Variants in FAM234A observed in about 807,000 individuals in gnomAD.
FAM234A encodes the protein protein FAM234A.
Under a neutral mutation model 49.1 loss-of-function variants are expected in FAM234A, and 42 were observed. The ratio of observed to expected loss-of-function variants is 0.86; its 90% CI spans 0.67 to 1.11. The LOEUF (loss-of-function observed/expected upper bound fraction) is 1.11. Among genes scored for constraint, FAM234A ranks in the 50% least tolerant of loss-of-function variants. The pLI is 0.00. For missense variants in FAM234A, 815 were observed against 745.2 expected (o/e 1.09, Z -1.09); for synonymous variants, 369 against 316.2 (o/e 1.17, Z -1.77).
chr16:239,861 C>A (rs929408116), intron 1 of FAM234A, among the ~76,000 whole-genome samples: 3 of 152,142 alleles, frequency 2.0e-5, no homozygotes, highest in African/African-American at 7.2e-5. Context: ...CTTTTGAGTG[C>A]TGACTGCATG....
At position 263,790 on chromosome 16, in the gene FAM234A, C is replaced by T. The variant is rs2051581215; in HGVS notation, c.1188+15C>T. Reference sequence around the variant, plus strand: ...CCGACAGACAGGTTCGTTGTTCTTCCTTCGGAGGTGGCACCTTTGTTCTTA... The same window carrying T: ...CCGACAGACAGGTTCGTTGTTCTTCTTTCGGAGGTGGCACCTTTGTTCTTA... On this transcript the variant is annotated intron_variant, in intron 10 of 12. Transcript: ENST00000399932. 10 of 1,602,232 alleles carry T rather than the reference C, an allele frequency of 6.2e-6. No individual in the cohort carries two copies. The highest frequency in any genetic ancestry group is 8.6e-6 in the Non-Finnish European group (10 of 1,169,232).
chr16:264,003 C>A lies in FAM234A; in HGVS notation c.1189-13C>A. On this transcript the variant is annotated splice_polypyrimidine_tract_variant and intron_variant, in intron 10 of 12. Transcript: ENST00000399932. ...CCCCACGTTGGCCCCCACAGTGTCC[C>A]CTCCCTCCCCAGATCCTGTTTCTGG... The A allele has an allele frequency of 6.2e-7, 1 of 1,605,840 alleles. No individual in the cohort carries two copies. Among genetic ancestry groups the A allele is most frequent in the South Asian group, 1.1e-5 (1 of 90,578 alleles).
intron 2 of FAM234A, among the ~76,000 whole-genome samples, chr16:251,164 G>A (rs1303872138): frequency 6.6e-6 from 1 of 152,086 alleles, no homozygotes; most frequent in Non-Finnish European, 1.5e-5. Flanking sequence ...CACCATATTG[G>A]CCAGGCTGGT....
chr16:262,769 G>A (rs2051523361), intron 8 of FAM234A, among the ~76,000 whole-genome samples: 1 of 151,358 alleles, frequency 6.6e-6, no homozygotes, highest in African/African-American at 2.4e-5. Context: ...GTGCCTGTCT[G>A]TCTCCACGGA....
At position 246,545 on chromosome 16, in the gene FAM234A, G is replaced by A. The variant is rs1250812646; in HGVS notation, c.-139-3004G>A. On this transcript the variant is annotated intron_variant, in intron 1 of 12. Transcript: ENST00000399932. ...CGCCATTCTCCTGCCTCAGCCTCCC[G>A]AGTAGCTGGGACTAAAGGTGCCCGC... 2.8e-5 allele frequency among the ~76,000 whole-genome samples: 4 copies of A among 144,314 alleles called. No homozygotes were observed. In the East Asian group the frequency reaches 6.5e-4, roughly 24 times the overall value. The allele number at this position is 144,314 out of a possible 152,430, so 94.7% of individuals were successfully genotyped here. A position where few individuals can be genotyped will look rare whatever the true frequency, so the allele number is the denominator to read the frequency against.
Position 259,963 on chromosome 16 carries a change from C to T in FAM234A, c.386-6C>T, listed in dbSNP as rs1321165261. On this transcript the variant is annotated splice_polypyrimidine_tract_variant and splice_region_variant and intron_variant, in intron 4 of 12. Transcript: ENST00000399932. ...AACAGTGAGGTGCCGGTGTCTCTCC[C>T]TACAGGCTTTTCCTCTCCCTGCACC... 1.2e-6 allele frequency: 2 copies of T among 1,611,942 alleles called. No individual in the cohort carries two copies. The highest frequency in any genetic ancestry group is 1.7e-6 in the Non-Finnish European group (2 of 1,179,386).
chr16:269,314 C>T (rs1376098484), downstream of FAM234A: 5 of 1,596,580 alleles, frequency 3.1e-6, no homozygotes, highest in South Asian at 5.7e-5. Context: ...CCGCTGTGGG[C>T]TCCACAGGGG....
chr16:252,578 A>G (rs903299130), intron 2 of FAM234A, among the ~76,000 whole-genome samples: 7 of 152,118 alleles, frequency 4.6e-5, no homozygotes, highest in Admixed American at 2.6e-4. Context: ...GATCTGCCAG[A>G]CTGTGTTTCA....
chr16:262,527 C>T lies in FAM234A; in HGVS notation c.945C>T (p.Ala315=). ...CGCACTGGGAGAGCATGCTCAATGC[C>T]ACCACCCGCAGGATGCTTTCCCACA... is the stretch of plus-strand genomic sequence containing the variant. The part of the protein sequence containing the change: ...SDPHWESMLN[A]TTRRMLSHSS... Residue 315 remains alanine (A), a synonymous_variant, in exon 8 of 13, where the codon GCC becomes GCT. Transcript: ENST00000399932. 6.2e-7 allele frequency: 1 copy of T among 1,609,234 alleles called. No individual in the cohort carries two copies. The highest frequency in any genetic ancestry group is 8.5e-7 in the Non-Finnish European group (1 of 1,177,974).
At chr16:266,708 G>A (rs962989323), downstream of FAM234A, among the ~76,000 whole-genome samples, 15 of 152,166 alleles carry the variant, frequency 9.9e-5, no homozygotes, top group African/African-American at 2.4e-4. Flanking sequence ...GGGTGCCCTC[G>A]TGCCAGGAAG....
In FAM234A at chr16:264,158, G is replaced by A. The variant is rs753075754; in HGVS notation, c.1331G>A (p.Ser444Asn). ...TTCTGGGGCCTCCACGAGCTGGGGA[G>A]CACCAGCGAGACGGTACGGGAGCCA... ...FFFWGLHELGSTSETETGEAR... is the reference protein window; with the variant it reads ...FFFWGLHELGNTSETETGEAR... The change falls in exon 11 of 13, where the codon AGC (serine) becomes AAC (asparagine). Residue 444 changes from serine (S) to asparagine (N), a missense_variant. Coordinates refer to ENST00000399932, the MANE Select transcript of FAM234A (RefSeq NM_032039.4). 8.1e-6 allele frequency: 13 copies of A among 1,601,818 alleles called. No individual in the cohort carries two copies. The highest frequency in any genetic ancestry group is 2.2e-5 in the East Asian group (1 of 44,702).
At chr16:261,256 T>G in intron 5 of FAM234A, 128 bp from the exon 6 acceptor site, 2 of 1,067,914 alleles carry the variant, frequency 1.9e-6, no homozygotes, top group South Asian at 3.0e-5. Flanking sequence ...GCTCTGAGTG[T>G]GCAGTGAGCC....
Position 242,066 on chromosome 16 carries a change from G to A in FAM234A, c.-140+7209G>A, listed in dbSNP as rs146315787. The stretch of plus-strand genomic sequence containing the variant: ...GTGGTATTCCTGCCCCACCCCTGCC[G>A]AAATGTTAATGAGCTGTGCAAACTA... On this transcript the variant is annotated intron_variant, in intron 1 of 12. Transcript: ENST00000399932. 1.1e-4 allele frequency among the ~76,000 whole-genome samples: 16 copies of A among 152,234 alleles called. No homozygotes were observed. The East Asian group carries it at 2.7e-3, about 26-fold the overall frequency.
rs1487038227 is a variant in FAM234A, at chr16:236,812, A to G, written c.-140+1955A>G. On this transcript the variant is annotated intron_variant, in intron 1 of 12. Coordinates refer to ENST00000399932, the MANE Select transcript of FAM234A (RefSeq NM_032039.4). ...TCCCAGCTACGCGGGAGGCTGAGGC[A>G]GGAGAATGGCGGAAACCCCGGGGGG... Among the ~76,000 whole-genome samples, 6 of 116,480 alleles carry G rather than the reference A, an allele frequency of 5.2e-5. 1 individual carries two copies. The highest frequency in any genetic ancestry group is 1.0e-4 in the Non-Finnish European group (5 of 48,860). 76.4% of individuals were successfully genotyped at this position (116,480 alleles called of 152,430 possible).
chr16:268,505 G>A, downstream of FAM234A: 1 of 540,296 alleles, frequency 1.9e-6, no homozygotes, highest in African/African-American at 1.9e-5. Flanking sequence ...TGGGGAGCAA[G>A]GCCAGCTCAC....
chr16:249,236 G>C (rs935594947), intron 1 of FAM234A, among the ~76,000 whole-genome samples: 1 of 151,918 alleles, frequency 6.6e-6, no homozygotes, highest in African/African-American at 2.4e-5. Context: ...AGGGTCAGGA[G>C]ATGTCTGGCC....
downstream of FAM234A, among the ~76,000 whole-genome samples, chr16:268,121 C>T (rs539413582): frequency 1.1e-4 from 16 of 143,048 alleles, no homozygotes; most frequent in South Asian, 8.7e-4. Context: ...CTCATACACA[C>T]GACACGTGCA....
chr16:260,507 G>T, intron 5 of FAM234A: 1 of 493,120 alleles, frequency 2.0e-6, no homozygotes, highest in Non-Finnish European at 4.1e-6. Context: ...AGTGCCCAGG[G>T]CGAGCCCAGA....
Position 260,100 on chromosome 16 carries a change from CCTT to C in FAM234A, c.520_522del (p.Ser174del). 6.2e-7 allele frequency: 1 copy of C among 1,613,922 alleles called. No homozygotes were observed. The highest frequency in any genetic ancestry group is 8.5e-7 in the Non-Finnish European group (1 of 1,180,030). The stretch of plus-strand genomic sequence containing the variant: ...GCCCCAGCCAAGAGGCAGTGAGGCA[CCTT>C]CTGCCTGCATCCTGGTGGGCAGACC... On this transcript the variant is annotated inframe_deletion, in exon 5 of 13. Transcript: ENST00000399932.
Sources: allele counts gnomAD v4.1 joint callset (sites outside exome capture counted in the v4.1 genomes callset), GRCh38; gene constraint gnomAD v4.1.1; transcripts MANE v1.5; gene names NCBI Gene and HGNC (gene_info 2026-07-23, HGNC 2026-07-21).